Variants in SHROOM4 observed in about 807,000 individuals in gnomAD.
SHROOM4 encodes protein Shroom4.
Under a neutral mutation model 80.3 loss-of-function variants are expected in SHROOM4, and 17 were observed. That is an observed-to-expected ratio of 0.21 (90% CI 0.14 to 0.32). SHROOM4 has a LOEUF of 0.32. Among genes scored for constraint, SHROOM4 ranks in the 10% least tolerant of loss-of-function variants. The probability of loss-of-function intolerance (pLI) is 1.00; values close to 1 mark genes in which losing one functional copy is unlikely to be tolerated. For synonymous variants in SHROOM4, 400 were observed against 437.5 expected, an observed-to-expected ratio of 0.91 and a Z score of 1.07; for missense variants, 993 against 1,140.3, an observed-to-expected ratio of 0.87 and a Z score of 1.86.
At chrX:50,576,799 T>A in the SHROOM4 span, among the ~76,000 whole-genome samples, 1 of 112,038 alleles carries the variant, frequency 8.9e-6, no homozygotes, top group Non-Finnish European at 1.9e-5. Flanking sequence ...AAATAACTTA[T>A]CAATGTCTAC....
the SHROOM4 span, among the ~76,000 whole-genome samples, chrX:50,580,120 C>A: frequency 8.9e-6 from 1 of 111,769 alleles, no homozygotes; most frequent in Non-Finnish European, 1.9e-5. Flanking sequence ...CAAGATTACA[C>A]CTAACGTAAC....
rs782609510 is a variant in SHROOM4, at chrX:50,633,603, G to T, written c.2470C>A (p.His824Asn). The T allele has an allele frequency of 3.3e-6, 4 of 1,210,281 alleles. No homozygotes were observed. Among genetic ancestry groups the T allele is most frequent in the Non-Finnish European group, 4.5e-6 (4 of 895,372 alleles). ...GAATGATATGATTGGTCCATGGGATGGCGCCTCAATTCCCTACAGCTGGAG... is the reference window on the plus strand; with the variant it reads ...GAATGATATGATTGGTCCATGGGATTGCGCCTCAATTCCCTACAGCTGGAG... Reference protein sequence around the residue: ...MSSSCRELRRHPMDQSYHSAD... With the variant: ...MSSSCRELRRNPMDQSYHSAD... The change falls in exon 4 of 9, where the codon CAT becomes AAT. Residue 824 changes from histidine (H) to asparagine (N), a missense_variant. By Grantham distance (68) the His-to-Asn change is moderately conservative. Coordinates refer to ENST00000376020, the MANE Select transcript of SHROOM4 (RefSeq NM_020717.5).
chrX:50,676,279 G>A (rs1932852683), intron 2 of SHROOM4, among the ~76,000 whole-genome samples: 1 of 110,410 alleles, frequency 9.1e-6, no homozygotes, highest in African/African-American at 3.3e-5. Context: ...TTCAATTCCT[G>A]GTATTCTAGA....
chrX:50,576,551 C>T, the SHROOM4 span, among the ~76,000 whole-genome samples: 2 of 111,528 alleles, frequency 1.8e-5, no homozygotes, highest in South Asian at 7.6e-4. Context: ...AGTCCCTAGA[C>T]CATTTACATT....
Position 50,611,847 on chromosome X carries a change from G to GC in SHROOM4, c.2958-3664_2958-3663insG, listed in dbSNP as rs1320088972. ...AGGCAGGGGAATTGCTTGAACCTAG[G>GC]AGGCGGAGGCTGCAGTGAACTGAGA... On this transcript the variant is annotated intron_variant, in intron 5 of 8. Transcript: ENST00000376020. 2.7e-5 allele frequency among the ~76,000 whole-genome samples: 3 copies of GC among 111,109 alleles called. No homozygotes were observed. In the Admixed American group the frequency reaches 2.9e-4, roughly 11 times the overall value.
At chrX:50,612,283 A>G (rs1602366047) in intron 5 of SHROOM4, among the ~76,000 whole-genome samples, 1 of 111,679 alleles carries the variant, frequency 9.0e-6, no homozygotes, top group African/African-American at 3.2e-5. Context: ...GCTCTACCCC[A>G]TAAAACAAAT....
At chrX:50,642,267 T>C (rs1931632053) in intron 2 of SHROOM4, among the ~76,000 whole-genome samples, 2 of 111,785 alleles carry the variant, frequency 1.8e-5, no homozygotes, top group South Asian at 7.5e-4. Context: ...TTTCATGAGT[T>C]ATGTTTTGGA....
intron 5 of SHROOM4, among the ~76,000 whole-genome samples, chrX:50,608,507 G>A (rs1929803925): frequency 9.0e-6 from 1 of 110,575 alleles, no homozygotes; most frequent in South Asian, 3.9e-4. Context: ...CTTGCCTGGG[G>A]TCATAAAGCT....
chrX:50,752,531 G>C (rs1323023779), intron 1 of SHROOM4, among the ~76,000 whole-genome samples: 1 of 111,131 alleles, frequency 9.0e-6, no homozygotes, highest in Non-Finnish European at 1.9e-5. Context: ...CACCCTAAAA[G>C]GTTAAAAAAA....
chrX:50,729,662 A>T (rs1341663280), intron 1 of SHROOM4, among the ~76,000 whole-genome samples: 3 of 111,396 alleles, frequency 2.7e-5, no homozygotes, highest in Admixed American at 9.5e-5. Context: ...CAGTAGAAGA[A>T]ACTCAATGAT....
chrX:50,752,147 T>C (rs1431491813), intron 1 of SHROOM4, among the ~76,000 whole-genome samples: 2 of 111,930 alleles, frequency 1.8e-5, no homozygotes, highest in African/African-American at 6.5e-5. Flanking sequence ...CCTGTCCTGA[T>C]CTCCCTCCAG....
Position 50,638,159 on chromosome X carries a change from G to A in SHROOM4, c.404+15C>T. ...TACCCTCCAGCCTGTCTTGAGGGGA[G>A]GGCTCTAGACTCACCTTGTGTTGCA... On this transcript the variant is annotated intron_variant, in intron 3 of 8. Transcript: ENST00000376020. 2.5e-6 allele frequency: 3 copies of A among 1,201,411 alleles called. No individual in the cohort carries two copies. Among genetic ancestry groups the A allele is most frequent in the Non-Finnish European group, 3.4e-6 (3 of 890,102 alleles).
At position 50,633,577 on chromosome X, in the gene SHROOM4, G is replaced by A. The variant is rs143698241; in HGVS notation, c.2496C>T (p.Ser832=). ...RRHPMDQSYH[S]ADQPYHATDQ... ...CTGTGGCATGATATGGTTGGTCTGCGGAATGATATGATTGGTCCATGGGAT... is the reference window on the plus strand; with the variant it reads ...CTGTGGCATGATATGGTTGGTCTGCAGAATGATATGATTGGTCCATGGGAT... Residue 832 remains serine, a synonymous_variant, in exon 4 of 9, where the codon TCC becomes TCT. Coordinates refer to ENST00000376020, the MANE Select transcript of SHROOM4 (RefSeq NM_020717.5). The A allele has an allele frequency of 2.6e-5, 31 of 1,210,064 alleles. No individual in the cohort carries two copies. The highest frequency in any genetic ancestry group is 2.3e-4 in the Middle Eastern group (1 of 4,377).
intron 1 of SHROOM4, among the ~76,000 whole-genome samples, chrX:50,810,930 T>C (rs782270164): frequency 1.8e-5 from 2 of 111,794 alleles, no homozygotes; most frequent in African/African-American, 6.5e-5. Flanking sequence ...ACATTGTAAA[T>C]AGTAACACTG....
intron 1 of SHROOM4, among the ~76,000 whole-genome samples, chrX:50,720,425 C>G (rs1169877649): frequency 1.8e-5 from 2 of 112,143 alleles, no homozygotes; most frequent in East Asian, 5.6e-4. Context: ...TTAGAGTCCC[C>G]AACTGAGAGT....
intron 2 of SHROOM4, among the ~76,000 whole-genome samples, chrX:50,667,510 T>C (rs1236594202): frequency 9.0e-6 from 1 of 111,285 alleles, no homozygotes; most frequent in Admixed American, 9.6e-5. Flanking sequence ...TCCCATTCCT[T>C]TCACTAATAT....
intron 2 of SHROOM4, among the ~76,000 whole-genome samples, chrX:50,668,566 G>GA (rs1291663900): frequency 2.7e-5 from 3 of 111,835 alleles, no homozygotes; most frequent in African/African-American, 9.8e-5. Flanking sequence ...AGATTTCAAT[G>GA]AAAAAATCAT....
At chrX:50,639,335 G>A (rs782290227) in intron 2 of SHROOM4, among the ~76,000 whole-genome samples, 3 of 110,108 alleles carry the variant, frequency 2.7e-5, no homozygotes, top group African/African-American at 6.6e-5. Context: ...TGCTGGAAGC[G>A]CCAGACAAAT....
chrX:50,603,971 G>A (rs1602357137), intron 6 of SHROOM4, among the ~76,000 whole-genome samples: 1 of 111,621 alleles, frequency 9.0e-6, no homozygotes. Context: ...CTACCCCTTC[G>A]CTAACCTCTA....
Sources: allele counts gnomAD v4.1 joint callset (sites outside exome capture counted in the v4.1 genomes callset), GRCh38; gene constraint gnomAD v4.1.1; transcripts MANE v1.5; gene names NCBI Gene and HGNC (gene_info 2026-07-23, HGNC 2026-07-21).